The following ENTREP2 variants were observed in gnomAD, a reference collection of about 807,000 sequenced individuals.
ENTREP2 encodes the protein endosomal transmembrane epsin interactor 2, also known as protein ENTREP2.
At chr15:29,532,176 A>G in the ENTREP2 span, among the ~76,000 whole-genome samples, 1 of 152,228 alleles carries the variant, frequency 6.6e-6, no homozygotes, top group Non-Finnish European at 1.5e-5. Context: ...TATATTACAC[A>G]GAGCAATTTT....
At chr15:29,650,608 C>CTGAA in the ENTREP2 span, among the ~76,000 whole-genome samples, 2 of 143,866 alleles carry the variant, frequency 1.4e-5, no homozygotes, top group African/African-American at 5.1e-5. Flanking sequence ...AAACAAAAAA[C>CTGAA]AAAAAAAAAA....
the ENTREP2 span, among the ~76,000 whole-genome samples, chr15:29,271,281 T>G: frequency 6.6e-6 from 1 of 152,224 alleles, no homozygotes; most frequent in Non-Finnish European, 1.5e-5. Flanking sequence ...TCTGCTTCAG[T>G]TTCCTTGCAA....
chr15:29,336,411 A>G, the ENTREP2 span, among the ~76,000 whole-genome samples: 1 of 151,896 alleles, frequency 6.6e-6, no homozygotes, highest in Non-Finnish European at 1.5e-5. Context: ...TCCCAGGCTC[A>G]AACAACCCTC....
At chr15:29,127,357 T>G in the ENTREP2 span, among the ~76,000 whole-genome samples, 1 of 152,122 alleles carries the variant, frequency 6.6e-6, no homozygotes, top group African/African-American at 2.4e-5. Context: ...TGGGGGACAC[T>G]TCATAGATCA....
chr15:29,280,659 G>A, the ENTREP2 span, among the ~76,000 whole-genome samples: 6 of 152,324 alleles, frequency 3.9e-5, no homozygotes, highest in African/African-American at 1.4e-4. Flanking sequence ...TCATCAGGAA[G>A]GAAGAGAGCA....
the ENTREP2 span, among the ~76,000 whole-genome samples, chr15:29,526,264 A>G: frequency 3.9e-5 from 6 of 152,142 alleles, no homozygotes; most frequent in African/African-American, 1.4e-4. Context: ...ATAGGATCAC[A>G]ACTCTCTCTT....
At chr15:29,207,007 G>A in the ENTREP2 span, among the ~76,000 whole-genome samples, 1 of 152,132 alleles carries the variant, frequency 6.6e-6, no homozygotes, top group Non-Finnish European at 1.5e-5. Flanking sequence ...GACATGCTCC[G>A]TAGGTTGGAT....
At chr15:29,561,777 G>A in the ENTREP2 span, among the ~76,000 whole-genome samples, 21 of 152,084 alleles carry the variant, frequency 1.4e-4, no homozygotes, top group African/African-American at 5.1e-4. Flanking sequence ...AATCATCGTA[G>A]AGGAGGCTGG....
the ENTREP2 span, among the ~76,000 whole-genome samples, chr15:29,285,247 T>TG: frequency 6.6e-6 from 1 of 152,222 alleles, no homozygotes; most frequent in East Asian, 1.9e-4. Flanking sequence ...GCCTGAAAAG[T>TG]GGGGAGAGGA....
chr15:29,209,801 GC>G, the ENTREP2 span, among the ~76,000 whole-genome samples: 1 of 152,080 alleles, frequency 6.6e-6, no homozygotes, highest in Non-Finnish European at 1.5e-5. Context: ...GTCTCTCTGT[GC>G]CCTGGTACCC....
chr15:29,324,203 G>C, the ENTREP2 span, among the ~76,000 whole-genome samples: 1 of 152,080 alleles, frequency 6.6e-6, no homozygotes, highest in East Asian at 1.9e-4. Flanking sequence ...CTGAGCTCAA[G>C]TGACCTTCCC....
chr15:29,667,724 G>C, the ENTREP2 span, among the ~76,000 whole-genome samples: 2 of 151,920 alleles, frequency 1.3e-5, no homozygotes, highest in Non-Finnish European at 2.9e-5. Flanking sequence ...TCGAACTCCT[G>C]ACCTCAGGTG....
chr15:29,326,493 A>G, the ENTREP2 span, among the ~76,000 whole-genome samples: 1 of 152,166 alleles, frequency 6.6e-6, no homozygotes, highest in African/African-American at 2.4e-5. Context: ...CGAAATACTT[A>G]GGTATAAATC....
chr15:29,155,097 ACG>A, the ENTREP2 span, among the ~76,000 whole-genome samples: 2 of 150,106 alleles, frequency 1.3e-5, no homozygotes, highest in African/African-American at 2.4e-5. Flanking sequence ...CCTGGCTAAC[ACG>A]GTGAAACCCC....
chr15:29,416,341 C>T, the ENTREP2 span, among the ~76,000 whole-genome samples: 382 of 152,226 alleles, frequency 2.5e-3, 2 homozygotes, highest in African/African-American at 8.5e-3. Context: ...GAAATAATGC[C>T]GCGTATCTAC....
At chr15:29,299,330 T>C in the ENTREP2 span, among the ~76,000 whole-genome samples, 1 of 152,218 alleles carries the variant, frequency 6.6e-6, no homozygotes, top group Non-Finnish European at 1.5e-5. Flanking sequence ...AGATGGCTTG[T>C]GTCTGCTCCA....
At chr15:29,249,316 A>G in the ENTREP2 span, among the ~76,000 whole-genome samples, 1 of 152,232 alleles carries the variant, frequency 6.6e-6, no homozygotes, top group Non-Finnish European at 1.5e-5. Context: ...TCAAAAAATA[A>G]ATAAATAAAA....
chr15:29,247,054 A>G, the ENTREP2 span, among the ~76,000 whole-genome samples: 1 of 151,916 alleles, frequency 6.6e-6, no homozygotes, highest in African/African-American at 2.4e-5. Context: ...CTAGGAGCCC[A>G]GAATAAAAGA....
chr15:29,495,890 G>A, the ENTREP2 span, among the ~76,000 whole-genome samples: 3 of 151,884 alleles, frequency 2.0e-5, no homozygotes, highest in Admixed American at 6.6e-5. Flanking sequence ...TGGGCTATTC[G>A]GGGTCTTTTG....
Sources: gnomAD v4.1 joint callset for allele counts (sites outside exome capture counted in the v4.1 genomes callset) on GRCh38, gnomAD v4.1.1 for gene constraint, MANE v1.5 for transcripts, NCBI Gene and HGNC (gene_info 2026-07-23, HGNC 2026-07-21) for gene names.